The following PRSS38 variants were observed in gnomAD, a reference collection of about 807,000 sequenced individuals.
PRSS38 encodes the protein serine protease 38.
A neutral mutation model predicts 26.8 loss-of-function variants in PRSS38; 22 were observed. The observed-to-expected ratio is 0.82, with a 90% CI of 0.59 to 1.17. The LOEUF (loss-of-function observed/expected upper bound fraction) is 1.17, where lower values mean the gene tolerates loss of function less well. Ranked by LOEUF, PRSS38 falls within the 50% of genes most tolerant of loss-of-function variation. The pLI is 0.00. For synonymous variants in PRSS38, 175 were observed against 172.1 expected (o/e 1.02, Z -0.13); for missense variants, 427 against 422.7 (o/e 1.01, Z -0.09).
intron 3 of PRSS38, among the ~76,000 whole-genome samples, chr1:227,820,875 A>G (rs1306922127): frequency 6.6e-6 from 1 of 152,104 alleles, no homozygotes; most frequent in Non-Finnish European, 1.5e-5. Flanking sequence ...GGAGATTCTT[A>G]TTGTTGAATC....
chr1:227,845,407 C>CGGGGG (rs1558239194), intron 3 of PRSS38, 63 bp from the exon 4 acceptor site: 49 of 1,175,314 alleles, frequency 4.2e-5, no homozygotes, highest in Non-Finnish European at 5.3e-5. Flanking sequence ...CACTGTGGGG[C>CGGGGG]AGGGATCCCC....
chr1:227,843,701 CCATCTTAAA>C (rs1665372409), intron 3 of PRSS38, among the ~76,000 whole-genome samples: 1 of 149,990 alleles, frequency 6.7e-6, no homozygotes, highest in African/African-American at 2.5e-5. Flanking sequence ...GAGTGAAACT[CCATCTTAAA>C]AAAAAAATGT....
intron 3 of PRSS38, among the ~76,000 whole-genome samples, chr1:227,838,868 A>C (rs1665275379): frequency 6.6e-6 from 1 of 152,162 alleles, no homozygotes; most frequent in African/African-American, 2.4e-5. Context: ...TAAAAAATTC[A>C]GCTAGGGCCT....
chr1:227,817,606 C>T, intron 3 of PRSS38, 126 bp downstream of exon 3: 2 of 923,842 alleles, frequency 2.2e-6, no homozygotes, highest in Non-Finnish European at 3.3e-6. Context: ...TGTCAATCAA[C>T]ATTTATTTGT....
intron 3 of PRSS38, among the ~76,000 whole-genome samples, chr1:227,819,343 T>C (rs1558232212): frequency 6.6e-6 from 1 of 152,196 alleles, no homozygotes; most frequent in Non-Finnish European, 1.5e-5. Context: ...CATTTCATAC[T>C]TTTTCTATGA....
intron 3 of PRSS38, among the ~76,000 whole-genome samples, chr1:227,838,955 G>A (rs927523567): frequency 6.6e-6 from 1 of 152,168 alleles, no homozygotes; most frequent in Non-Finnish European, 1.5e-5. Flanking sequence ...AAAGTGCTGG[G>A]ATTACAGGCA....
intron 3 of PRSS38, among the ~76,000 whole-genome samples, chr1:227,836,933 A>G (rs1665245379): frequency 1.3e-5 from 2 of 152,316 alleles, no homozygotes; most frequent in South Asian, 2.1e-4. Context: ...TCCAGATACT[A>G]TATTTCATCC....
At chr1:227,843,533 T>C (rs145906732) in intron 3 of PRSS38, among the ~76,000 whole-genome samples, 1,693 of 151,398 alleles carry the variant, frequency 0.011, 36 homozygotes, top group African/African-American at 0.038. Context: ...AGAAACCCCG[T>C]CTCTACTAAA....
chr1:227,825,597 G>A (rs2102676495), intron 3 of PRSS38, among the ~76,000 whole-genome samples: 1 of 152,286 alleles, frequency 6.6e-6, no homozygotes, highest in South Asian at 2.1e-4. Flanking sequence ...TTCTGCATAT[G>A]GCTAGCTAAT....
chr1:227,843,660 C>A (rs1665371779), intron 3 of PRSS38, among the ~76,000 whole-genome samples: 1 of 151,948 alleles, frequency 6.6e-6, no homozygotes, highest in Non-Finnish European at 1.5e-5. Flanking sequence ...CAAGATCACA[C>A]CATTGCATTG....
At chr1:227,843,840 T>C (rs981129355) in intron 3 of PRSS38, among the ~76,000 whole-genome samples, 5 of 151,812 alleles carry the variant, frequency 3.3e-5, no homozygotes, top group Non-Finnish European at 7.4e-5. Flanking sequence ...GCCAACAAGG[T>C]GAAACCCTAT....
At chr1:227,832,472 G>A (rs1023230296) in intron 3 of PRSS38, among the ~76,000 whole-genome samples, 4 of 152,060 alleles carry the variant, frequency 2.6e-5, no homozygotes, top group African/African-American at 9.7e-5. Context: ...TTCAAAAGAT[G>A]TTTTCTAAAC....
intron 3 of PRSS38, among the ~76,000 whole-genome samples, chr1:227,826,546 C>T (rs927610961): frequency 1.3e-5 from 2 of 152,130 alleles, no homozygotes; most frequent in African/African-American, 2.4e-5. Flanking sequence ...GAAACCCCAT[C>T]TCTACTGAAA....
At chr1:227,824,375 A>G (rs1486320917) in intron 3 of PRSS38, among the ~76,000 whole-genome samples, 4 of 152,134 alleles carry the variant, frequency 2.6e-5, no homozygotes, top group Admixed American at 6.5e-5. Context: ...TTCCAACTCC[A>G]TCCATGACCC....
At position 227,816,439 on chromosome 1, in the gene PRSS38, T is replaced by C. The variant is rs10047088; in HGVS notation, c.311+187T>C. Among the ~76,000 whole-genome samples, 147,139 of 152,186 alleles carry C rather than the reference T, an allele frequency of 0.97. 71,164 individuals are homozygous for C. Among genetic ancestry groups the C allele is most frequent in the East Asian group, 1 (5,150 of 5,150 alleles). On this transcript the variant is annotated intron_variant, in intron 2 of 4. Coordinates refer to ENST00000366757, the Ensembl canonical transcript of PRSS38. This position sits in a 1 kb window ranked among gnomAD's most constrained non-coding sequence, Gnocchi z 5.1. ...CCCAAACACACAGCTGGGTCCCCAT[T>C]CTTGAGGCTGGTCCCCCAAGTGCAC...
At chr1:227,845,688 C>A (rs1665418714) in intron 4 of PRSS38, 76 bp downstream of exon 4, 5 of 1,517,710 alleles carry the variant, frequency 3.3e-6, no homozygotes, top group Non-Finnish European at 4.5e-6. Flanking sequence ...CCCACTCTGG[C>A]CTCCCACTGA....
chr1:227,837,941 AGAT>A (rs1665261854), intron 3 of PRSS38, among the ~76,000 whole-genome samples: 1 of 151,758 alleles, frequency 6.6e-6, no homozygotes, highest in African/African-American at 2.4e-5. Context: ...TCTTTTTTAG[AGAT>A]GGGGTCTTGC....
At chr1:227,839,910 G>C (rs1665293195) in intron 3 of PRSS38, among the ~76,000 whole-genome samples, 1 of 152,160 alleles carries the variant, frequency 6.6e-6, no homozygotes, top group Admixed American at 6.5e-5. Context: ...TTTATTCTGA[G>C]CCATGTCTTG....
intron 3 of PRSS38, among the ~76,000 whole-genome samples, chr1:227,845,156 G>A (rs999605847): frequency 2.8e-4 from 29 of 104,284 alleles, no homozygotes; most frequent in African/African-American, 1.0e-3. Flanking sequence ...GCTCCTCCCT[G>A]TGTGTGGTGA....
Sources: gnomAD v4.1 joint callset for allele counts (sites outside exome capture counted in the v4.1 genomes callset) on GRCh38, gnomAD v4.1.1 for gene constraint, Gnocchi (gnomAD v3.1) non-coding constraint, MANE v1.5 for transcripts, NCBI Gene and HGNC (gene_info 2026-07-23, HGNC 2026-07-21) for gene names.